The following MED15 variants were observed in gnomAD, a reference collection of about 807,000 sequenced individuals.
The protein encoded by MED15 is mediator of RNA polymerase II transcription subunit 15.
MED15 carries 41 observed loss-of-function variants against 118.7 expected under a neutral mutation model. That is an observed-to-expected ratio of 0.35 (90% CI 0.27 to 0.45). The LOEUF (loss-of-function observed/expected upper bound fraction) is 0.45, where lower values mean the gene tolerates loss of function less well. Among genes scored for constraint, MED15 ranks in the 20% least tolerant of loss-of-function variants. The pLI is 1.00. For synonymous variants in MED15, 436 were observed against 413.9 expected, an observed-to-expected ratio of 1.05 and a Z score of -0.65; for missense variants, 740 against 1,025.5, an observed-to-expected ratio of 0.72 and a Z score of 3.80.
intron 8 of MED15, among the ~76,000 whole-genome samples, chr22:20,572,760 A>C (rs937687325): frequency 2.0e-4 from 31 of 152,168 alleles, no homozygotes; most frequent in Non-Finnish European, 3.8e-4. Context: ...CTCTACAAAA[A>C]AATAAAAATA....
intron 5 of MED15, among the ~76,000 whole-genome samples, chr22:20,560,261 C>CTAT (rs141805630): frequency 1.2e-3 from 180 of 151,432 alleles, no homozygotes; most frequent in Middle Eastern, 3.4e-3. Context: ...CATTTCTTTT[C>CTAT]TATTATTATT....
intron 8 of MED15, among the ~76,000 whole-genome samples, chr22:20,569,442 G>A: frequency 6.6e-6 from 1 of 152,176 alleles, no homozygotes; most frequent in Admixed American, 6.5e-5. Context: ...CTGGGTCCCA[G>A]CCCACAGCTG....
At chr22:20,568,855 G>A (rs756758261) in intron 8 of MED15, among the ~76,000 whole-genome samples, 1 of 152,176 alleles carries the variant, frequency 6.6e-6, no homozygotes, top group Non-Finnish European at 1.5e-5. Flanking sequence ...AGTGCGTGTC[G>A]TTTCCAGCTT....
chr22:20,512,719 G>A (rs1274406835), intron 1 of MED15, among the ~76,000 whole-genome samples: 1 of 150,040 alleles, frequency 6.7e-6, no homozygotes, highest in Non-Finnish European at 1.5e-5. Context: ...AGCCTCCTGA[G>A]TAGCTGGGAC....
Position 20,568,562 on chromosome 22 carries a change from C to T in MED15, c.1083C>T (p.Pro361=). The T allele has an allele frequency of 5.0e-6, 8 of 1,613,848 alleles. No homozygotes were observed. The highest frequency in any genetic ancestry group is 6.8e-6 in the Non-Finnish European group (8 of 1,180,000). Residue 361 remains proline, a synonymous_variant, in exon 8 of 18, where the codon CCC becomes CCT. Coordinates refer to ENST00000263205, the MANE Select transcript of MED15 (RefSeq NM_001003891.3). ...TGGTGCAGCAGCCCCCAGTGCAGCC[C>T]CAGGTGCAGCAGCAGCAGACAGCAG... ...PMVVQQPPVQ[P]QVQQQQTAVQ... is the part of the protein sequence containing the mutation.
At position 20,571,039 on chromosome 22, in the gene MED15, C is replaced by T. The variant is rs565202070; in HGVS notation, c.1152+2408C>T. Among the ~76,000 whole-genome samples the T allele has an allele frequency of 1.6e-4, 25 of 152,256 alleles. No individual in the cohort carries two copies. The South Asian group carries it at 3.7e-3, about 23-fold the overall frequency. On this transcript the variant is annotated intron_variant, in intron 8 of 17. Transcript: ENST00000263205. The stretch of plus-strand genomic sequence containing the variant: ...CCTCCCTAAGTGTTGGGATTACAGG[C>T]GTGAGCCACTGTGCCCAGCCGAACT...
intron 5 of MED15, 27 bp from the exon 6 acceptor site, chr22:20,564,423 T>G: frequency 6.2e-7 from 1 of 1,612,932 alleles, no homozygotes; most frequent in South Asian, 1.1e-5. Context: ...CCCTGTGGAC[T>G]GACTGGCGAC....
chr22:20,580,693 A>C (rs2056955562), intron 9 of MED15, among the ~76,000 whole-genome samples: 1 of 152,000 alleles, frequency 6.6e-6, no homozygotes, highest in Admixed American at 6.5e-5. Flanking sequence ...GATTTTGTTG[A>C]CACCTGGATA....
intron 5 of MED15, among the ~76,000 whole-genome samples, chr22:20,556,221 C>T (rs1243258207): frequency 2.0e-5 from 3 of 152,044 alleles, no homozygotes; most frequent in Non-Finnish European, 4.4e-5. Context: ...TAGTATCTTA[C>T]ATAGAACATT....
intron 1 of MED15, among the ~76,000 whole-genome samples, chr22:20,520,267 C>T (rs1203583162): frequency 6.6e-6 from 1 of 152,218 alleles, no homozygotes; most frequent in Non-Finnish European, 1.5e-5. Context: ...CCCTTCTCTT[C>T]TGTTCTTTGC....
In MED15 at chr22:20,579,924, C is replaced by T. The variant is rs558441701; in HGVS notation, c.1273-2687C>T. 4.6e-5 allele frequency among the ~76,000 whole-genome samples: 7 copies of T among 152,108 alleles called. No individual in the cohort carries two copies. In the East Asian group the frequency reaches 1.4e-3, roughly 30 times the overall value. On this transcript the variant is annotated intron_variant, in intron 9 of 17. Coordinates refer to ENST00000263205, the MANE Select transcript of MED15 (RefSeq NM_001003891.3). ...GCCTTTGCTAGCTGTGACACACCGGCGCCCGACCTCTCTGGCTGCCTCCCT... is the reference window on the plus strand; with the variant it reads ...GCCTTTGCTAGCTGTGACACACCGGTGCCCGACCTCTCTGGCTGCCTCCCT...
At chr22:20,558,485 C>T (rs968307891) in intron 5 of MED15, among the ~76,000 whole-genome samples, 4 of 152,162 alleles carry the variant, frequency 2.6e-5, no homozygotes, top group African/African-American at 9.7e-5. Context: ...AAGCTTTTCA[C>T]TCTGCGCATT....
chr22:20,558,333 C>G (rs1314235680), intron 5 of MED15, among the ~76,000 whole-genome samples: 2 of 151,998 alleles, frequency 1.3e-5, no homozygotes, highest in Admixed American at 1.3e-4. Flanking sequence ...AGGACAGAGC[C>G]TGGGTCAGAG....
intron 1 of MED15, among the ~76,000 whole-genome samples, chr22:20,531,909 C>A (rs1454754270): frequency 2.0e-5 from 3 of 152,212 alleles, no homozygotes; most frequent in African/African-American, 7.2e-5. Flanking sequence ...GAGGCCCTAA[C>A]AGGCCTGATG....
chr22:20,557,043 A>G (rs2056040537), intron 5 of MED15, among the ~76,000 whole-genome samples: 1 of 152,152 alleles, frequency 6.6e-6, no homozygotes, highest in Admixed American at 6.6e-5. Context: ...TTTGCTTACT[A>G]TTATGCAAAC....
chr22:20,558,203 C>T (rs764615651), intron 5 of MED15, among the ~76,000 whole-genome samples: 1 of 152,178 alleles, frequency 6.6e-6, no homozygotes, highest in Non-Finnish European at 1.5e-5. Flanking sequence ...CACTTGCCTC[C>T]CTGGTCTCCC....
intron 3 of MED15, chr22:20,551,717 C>T (rs918917688): frequency 1.7e-6 from 1 of 585,148 alleles, no homozygotes; most frequent in African/African-American, 1.9e-5. Flanking sequence ...GAAATGCTGT[C>T]CTCAAAGTGG....
In MED15 at chr22:20,584,341, A is replaced by G. The variant is rs1230758545; in HGVS notation, c.1737-18A>G. 2 of 1,612,986 alleles carry G rather than the reference A, an allele frequency of 1.2e-6. No homozygotes were observed. The highest frequency in any genetic ancestry group is 1.7e-6 in the Non-Finnish European group (2 of 1,179,356). ...CCATGTCTTCCACTCTTTCAGCCCA[A>G]GTCCTCTCTCTCTGCAGGTGTCCCC... On this transcript the variant is annotated intron_variant, in intron 13 of 17. Transcript: ENST00000263205.
At chr22:20,558,945 A>G (rs2056123992) in intron 5 of MED15, among the ~76,000 whole-genome samples, 1 of 152,232 alleles carries the variant, frequency 6.6e-6, no homozygotes, top group Non-Finnish European at 1.5e-5. Context: ...AGGCATGCCC[A>G]GTGACCACAC....
Sources: gnomAD v4.1 joint callset for allele counts (sites outside exome capture counted in the v4.1 genomes callset) on GRCh38, gnomAD v4.1.1 for gene constraint, MANE v1.5 for transcripts, NCBI Gene and HGNC (gene_info 2026-07-23, HGNC 2026-07-21) for gene names.